P3H2: variants seen among roughly 807,000 people sequenced by gnomAD.
P3H2 encodes the protein prolyl 3-hydroxylase 2.
A neutral mutation model predicts 87.0 loss-of-function variants in P3H2; 80 were observed. That is an observed-to-expected ratio of 0.92 (90% CI 0.77 to 1.11). P3H2 has a LOEUF of 1.11. P3H2 is among the 50% of genes least tolerant of loss of function. The pLI, the probability that P3H2 is intolerant of heterozygous loss-of-function variation, is 0.00. For missense variants in P3H2, 1,001 were observed against 923.9 expected, an observed-to-expected ratio of 1.08 and a Z score of -1.08; for synonymous variants, 367 against 359.3, an observed-to-expected ratio of 1.02 and a Z score of -0.24.
chr3:189,974,015 A>G lies in P3H2; in HGVS notation c.1453-11T>C, dbSNP rs778515705. The G allele has an allele frequency of 1.9e-6, 3 of 1,589,738 alleles. No homozygotes were observed. The South Asian group carries it at 3.3e-5, about 18-fold the overall frequency. On this transcript the variant is annotated splice_polypyrimidine_tract_variant and intron_variant, in intron 9 of 14. Coordinates refer to ENST00000319332, the MANE Select transcript of P3H2 (RefSeq NM_018192.4). ...AACAAGCATGATTCCCTGGAAGCAA[A>G]TACAAGAAGATACGTCATCAATGAT...
intron 8 of P3H2, among the ~76,000 whole-genome samples, chr3:189,982,066 A>G (rs565704297): frequency 5.9e-5 from 9 of 152,222 alleles, no homozygotes; most frequent in Non-Finnish European, 8.8e-5. Flanking sequence ...CCAATGCAGC[A>G]CTTTGAAAGC....
intron 13 of P3H2, 80 bp downstream of exon 13, chr3:189,970,736 A>G: frequency 1.2e-6 from 1 of 828,982 alleles, no homozygotes; most frequent in Non-Finnish European, 2.1e-6. Context: ...TTTGAAATCT[A>G]ACCATCTGTA....
At chr3:190,084,863 T>G (rs1470111056) in intron 1 of P3H2, among the ~76,000 whole-genome samples, 1 of 151,938 alleles carries the variant, frequency 6.6e-6, no homozygotes, top group East Asian at 1.9e-4. Context: ...TGTTTTCTGG[T>G]GTAAGATAGT....
intron 1 of P3H2, among the ~76,000 whole-genome samples, chr3:190,069,846 T>C (rs1218933338): frequency 2.0e-5 from 3 of 152,022 alleles, no homozygotes; most frequent in Admixed American, 1.3e-4. Context: ...CATTTATGAG[T>C]GACATTTCAG....
chr3:189,997,403 T>C (rs1032265259), intron 1 of P3H2, among the ~76,000 whole-genome samples: 1 of 152,206 alleles, frequency 6.6e-6, no homozygotes, highest in African/African-American at 2.4e-5. Flanking sequence ...TCCATTTTAG[T>C]GTGAAGAAAT....
At chr3:190,072,199 G>T (rs1182745143) in intron 1 of P3H2, among the ~76,000 whole-genome samples, 1 of 151,922 alleles carries the variant, frequency 6.6e-6, no homozygotes, top group African/African-American at 2.4e-5. Flanking sequence ...CTAATTTTTT[G>T]AATTTTTAGT....
intron 1 of P3H2, among the ~76,000 whole-genome samples, chr3:190,090,565 T>C (rs1282761487): frequency 6.6e-6 from 1 of 152,084 alleles, no homozygotes; most frequent in Non-Finnish European, 1.5e-5. Context: ...TAGCTGGGCA[T>C]GGTGGCGGGC....
chr3:190,120,620 G>T lies in P3H2; in HGVS notation c.112C>A (p.Pro38Thr). ...DSPRRELELE[P>T]GPLQPFDLLY... Reference sequence around the variant, plus strand: ...AGGTCGAAGGGCTGCAGAGGCCCGGGCTCCAGCTCCAGCTCCCGGCGTGGG... The same window carrying T: ...AGGTCGAAGGGCTGCAGAGGCCCGGTCTCCAGCTCCAGCTCCCGGCGTGGG... The change falls in exon 1 of 15, where the codon CCC becomes ACC. Residue 38 changes from proline (P) to threonine (T), a missense_variant. By Grantham distance (38) the Pro-to-Thr change is conservative. Coordinates refer to ENST00000319332, the MANE Select transcript of P3H2 (RefSeq NM_018192.4). The T allele has an allele frequency of 6.5e-7, 1 of 1,531,304 alleles. No homozygotes were observed. The highest frequency in any genetic ancestry group is 1.2e-5 in the South Asian group (1 of 82,968). The allele number at this position is 1,531,304 out of a possible 1,614,324, so 94.9% of individuals were successfully genotyped here. A position where few individuals can be genotyped will look rare whatever the true frequency, so the allele number is the denominator to read the frequency against.
At chr3:189,984,255 T>C (rs1403734231) in intron 7 of P3H2, among the ~76,000 whole-genome samples, 1 of 152,056 alleles carries the variant, frequency 6.6e-6, no homozygotes. Flanking sequence ...AAAACCAGTA[T>C]CCAACCTTCT....
intron 7 of P3H2, among the ~76,000 whole-genome samples, chr3:189,984,024 T>C (rs1723615420): frequency 6.6e-6 from 1 of 152,144 alleles, no homozygotes; most frequent in African/African-American, 2.4e-5. Flanking sequence ...CATGTATACA[T>C]ATGTAACAAA....
At position 190,120,487 on chromosome 3, in the gene P3H2, G is replaced by C. The variant is rs947578248; in HGVS notation, c.245C>G (p.Thr82Arg). ...RSHRRLREIR[T>R]RCARHCAARH... is the part of the protein sequence containing the mutation. ...CGCCGCGCAGTGGCGGGCACAGCGC[G>C]TGCGGATTTCCCGCAGGCGCCGGTG... Residue 82 changes from threonine to arginine, a missense_variant, in exon 1 of 15, where the codon ACG becomes AGG. By Grantham distance (71) the Thr-to-Arg change is moderately conservative (BLOSUM62 -1). Coordinates refer to ENST00000319332, the MANE Select transcript of P3H2 (RefSeq NM_018192.4). 7.6e-6 allele frequency: 11 copies of C among 1,447,464 alleles called. No individual in the cohort carries two copies. The highest frequency in any genetic ancestry group is 5.9e-5 in the African/African-American group (4 of 67,766). 89.7% of individuals were successfully genotyped at this position (1,447,464 alleles called of 1,614,324 possible). A position where few individuals can be genotyped will look rare whatever the true frequency, so the allele number is the denominator to read the frequency against.
intron 1 of P3H2, among the ~76,000 whole-genome samples, chr3:190,075,609 AG>A: frequency 6.6e-6 from 1 of 152,352 alleles, no homozygotes; most frequent in South Asian, 2.1e-4. Context: ...TACAGGAATT[AG>A]GGAAAGCTTC....
At chr3:190,114,427 A>C (rs58113906) in intron 1 of P3H2, among the ~76,000 whole-genome samples, 21,608 of 151,440 alleles carry the variant, frequency 0.14, 1,708 homozygotes, top group Middle Eastern at 0.21. Flanking sequence ...ACCTCGTGAT[A>C]CGCCCACCTC....
intron 4 of P3H2, 98 bp downstream of exon 4, chr3:189,988,808 TA>T: frequency 7.0e-7 from 1 of 1,430,670 alleles, no homozygotes; most frequent in Non-Finnish European, 9.9e-7. Flanking sequence ...GCTTTCATAA[TA>T]AACTGAAGAA....
chr3:189,970,005 T>C, intron 13 of P3H2: 1 of 580,870 alleles, frequency 1.7e-6, no homozygotes, highest in Non-Finnish European at 3.1e-6. Flanking sequence ...GCTAACTATA[T>C]GGTCTTTAAG....
intron 13 of P3H2, chr3:189,969,492 G>A (rs1294625545): frequency 3.1e-6 from 3 of 969,318 alleles, no homozygotes; most frequent in South Asian, 1.3e-5. Context: ...CCATCATAGA[G>A]GGACTGAGGT....
At chr3:190,059,020 G>A (rs571796850) in intron 1 of P3H2, among the ~76,000 whole-genome samples, 48 of 152,234 alleles carry the variant, frequency 3.2e-4, no homozygotes, top group African/African-American at 8.7e-4. Flanking sequence ...CTGCTTTGCT[G>A]ATCCCCTTTC....
chr3:190,111,446 T>C (rs1412486487), intron 1 of P3H2, among the ~76,000 whole-genome samples: 1 of 152,090 alleles, frequency 6.6e-6, no homozygotes, highest in East Asian at 1.9e-4. Flanking sequence ...ATCTGTAAAA[T>C]GGGATGCCTG....
chr3:190,016,599 A>ATCAATTT (rs1724761692), intron 1 of P3H2, among the ~76,000 whole-genome samples: 1 of 152,260 alleles, frequency 6.6e-6, no homozygotes. Context: ...GCCAATTGTG[A>ATCAATTT]TCTAAACTGG....
Sources: gnomAD v4.1 joint callset for allele counts (sites outside exome capture counted in the v4.1 genomes callset) on GRCh38, gnomAD v4.1.1 for gene constraint, MANE v1.5 for transcripts, NCBI Gene and HGNC (gene_info 2026-07-23, HGNC 2026-07-21) for gene names.